Variants in BNC2 observed in about 807,000 individuals in gnomAD.
BNC2 encodes the protein zinc finger protein basonuclin-2.
Under a neutral mutation model 76.3 loss-of-function variants are expected in BNC2, and 20 were observed. The ratio of observed to expected loss-of-function variants is 0.26; its 90% confidence interval spans 0.18 to 0.38. The LOEUF (loss-of-function observed/expected upper bound fraction) is 0.38, where lower values mean the gene tolerates loss of function less well. Among genes scored for constraint, BNC2 ranks in the 10% least tolerant of loss-of-function variants. The pLI is 1.00. For synonymous variants in BNC2, 582 were observed against 514.8 expected (o/e 1.13, Z -1.77); for missense variants, 1,382 against 1,399.8 (o/e 0.99, Z 0.20).
chr9:16,754,589 G>T (rs1296415225), intron 1 of BNC2, among the ~76,000 whole-genome samples: 8 of 151,030 alleles, frequency 5.3e-5, no homozygotes, highest in African/African-American at 1.7e-4. Flanking sequence ...ACAGAGTCTC[G>T]CTCTGTTGCT....
At chr9:16,581,007 T>C (rs552353132) in intron 4 of BNC2, among the ~76,000 whole-genome samples, 1 of 152,264 alleles carries the variant, frequency 6.6e-6, no homozygotes, top group South Asian at 2.1e-4. Flanking sequence ...ATGGTTCTGA[T>C]GAGTTTAGGA....
At chr9:16,443,248 G>A (rs1015435483) in intron 5 of BNC2, among the ~76,000 whole-genome samples, 5 of 148,756 alleles carry the variant, frequency 3.4e-5, no homozygotes, top group Admixed American at 2.6e-4. Flanking sequence ...ACACTGACCT[G>A]TAGGGACTGC....
intron 1 of BNC2, among the ~76,000 whole-genome samples, chr9:16,757,130 T>A (rs1825408980): frequency 6.6e-6 from 1 of 152,104 alleles, no homozygotes; most frequent in Non-Finnish European, 1.5e-5. Flanking sequence ...TCTTTGAACC[T>A]ATATCCCCAG....
intron 5 of BNC2, among the ~76,000 whole-genome samples, chr9:16,511,409 C>T (rs1281651585): frequency 1.4e-5 from 2 of 140,068 alleles, no homozygotes; most frequent in Non-Finnish European, 3.1e-5. Context: ...CCATGCCTGG[C>T]AATAAATTTA....
At chr9:16,812,512 CACCTCGTGTCATT>C (rs1209050999) in intron 1 of BNC2, among the ~76,000 whole-genome samples, 2 of 152,200 alleles carry the variant, frequency 1.3e-5, no homozygotes, top group African/African-American at 2.4e-5. Flanking sequence ...TGCAGTTTGT[CACCTCGTGTCATT>C]ACCACAGGCA....
chr9:16,442,135 G>T (rs1821141275), intron 5 of BNC2, among the ~76,000 whole-genome samples: 1 of 152,132 alleles, frequency 6.6e-6, no homozygotes, highest in Non-Finnish European at 1.5e-5. Context: ...TTGACAAAAT[G>T]AGGATAATAA....
At chr9:16,451,893 A>G (rs1277690847) in intron 5 of BNC2, among the ~76,000 whole-genome samples, 1 of 152,212 alleles carries the variant, frequency 6.6e-6, no homozygotes, top group Non-Finnish European at 1.5e-5. Flanking sequence ...CTATGAATGT[A>G]GGACTTGGGA....
intron 3 of BNC2, among the ~76,000 whole-genome samples, chr9:16,682,914 T>C (rs1796547495): frequency 6.6e-6 from 1 of 152,208 alleles, no homozygotes; most frequent in South Asian, 2.1e-4. Flanking sequence ...AAGGAGAGTC[T>C]AAATTAGAAT....
chr9:16,516,431 T>C (rs1018353897), intron 5 of BNC2, among the ~76,000 whole-genome samples: 2 of 151,792 alleles, frequency 1.3e-5, no homozygotes, highest in Non-Finnish European at 2.9e-5. Flanking sequence ...ATAACAGTTA[T>C]GCAGCTGTCA....
chr9:16,785,785 C>T lies in BNC2; in HGVS notation c.4-47300G>A, dbSNP rs1294431264. Among the ~76,000 whole-genome samples the T allele has an allele frequency of 8.2e-5, 12 of 145,896 alleles. No individual in the cohort carries two copies. The East Asian group carries it at 2.2e-3, about 26-fold the overall frequency. ...TTGCACCATTGCACTCCAGCCTGGG[C>T]AACAGAGCCAGATGCTGTCTCCAAA... On this transcript the variant is annotated intron_variant, in intron 1 of 6. Transcript: ENST00000380672.
intron 1 of BNC2, among the ~76,000 whole-genome samples, chr9:16,800,575 A>C (rs930591723): frequency 6.6e-6 from 1 of 151,710 alleles, no homozygotes; most frequent in Non-Finnish European, 1.5e-5. Flanking sequence ...TTTTTCTGGC[A>C]ATTTCATTGA....
At chr9:16,684,022 T>C (rs1294533529) in intron 3 of BNC2, among the ~76,000 whole-genome samples, 2 of 152,174 alleles carry the variant, frequency 1.3e-5, no homozygotes, top group African/African-American at 2.4e-5. Flanking sequence ...AGAATGTTAC[T>C]TTAACCTGTA....
intron 5 of BNC2, among the ~76,000 whole-genome samples, chr9:16,551,466 C>T (rs1818660986): frequency 6.6e-6 from 1 of 152,348 alleles, no homozygotes; most frequent in African/African-American, 2.4e-5. Flanking sequence ...TCATGTAACA[C>T]ACAGTAGCTC....
rs35475650 is a variant in BNC2 at position 16,738,340 on chromosome 9, G to GA, written c.129+19dup. 4.1e-5 allele frequency: 63 copies of GA among 1,549,696 alleles called. No homozygotes were observed. The highest frequency in any genetic ancestry group is 1.6e-4 in the East Asian group (7 of 42,864). On this transcript the variant is annotated intron_variant, in intron 2 of 6. Transcript: ENST00000380672. ...AGTGTGTCCAAGTAACTTAAAGGGG[G>GA]AAAAAAAAAACCAACATACCTCAAT...
At chr9:16,682,185 T>C (rs1478133893) in intron 3 of BNC2, among the ~76,000 whole-genome samples, 2 of 151,526 alleles carry the variant, frequency 1.3e-5, no homozygotes, top group Non-Finnish European at 2.9e-5. Flanking sequence ...TTAAAAAATA[T>C]AGAGAATTTG....
In BNC2 at chr9:16,492,020, G is replaced by A. The variant is rs529972510; in HGVS notation, c.670-54496C>T. On this transcript the variant is annotated intron_variant, in intron 5 of 6. Coordinates refer to ENST00000380672, the MANE Select transcript of BNC2 (RefSeq NM_017637.6). ...TTATAACCGTTTCATCTACAAATAC[G>A]ATTTTATCATTTAATGAAATATTAT... Among the ~76,000 whole-genome samples the A allele has an allele frequency of 1.5e-3, 228 of 152,050 alleles. 1 individual carries two copies. Among genetic ancestry groups the A allele is most frequent in the Non-Finnish European group, 2.6e-3 (180 of 67,988 alleles).
chr9:16,709,731 T>G (rs1563909795), intron 3 of BNC2, among the ~76,000 whole-genome samples: 1 of 152,240 alleles, frequency 6.6e-6, no homozygotes, highest in Non-Finnish European at 1.5e-5. Flanking sequence ...AGGGAAAGAC[T>G]ACGTTAGTAA....
chr9:16,772,033 C>T (rs964235155), intron 1 of BNC2, among the ~76,000 whole-genome samples: 22 of 152,196 alleles, frequency 1.4e-4, no homozygotes, highest in African/African-American at 5.3e-4. Flanking sequence ...TCTGCAGCCT[C>T]AGCCTTAATC....
intron 4 of BNC2, among the ~76,000 whole-genome samples, chr9:16,557,400 G>C (rs530284032): frequency 6.6e-6 from 1 of 152,070 alleles, no homozygotes; most frequent in Non-Finnish European, 1.5e-5. Context: ...TTGGAAGGCT[G>C]AGGCAAGAGA....
Sources: allele counts gnomAD v4.1 joint callset (sites outside exome capture counted in the v4.1 genomes callset), GRCh38; gene constraint gnomAD v4.1.1; transcripts MANE v1.5; gene names NCBI Gene and HGNC (gene_info 2026-07-23, HGNC 2026-07-21).